Variants in ABCG2 observed in about 807,000 individuals in gnomAD.
ABCG2 encodes the protein ATP binding cassette subfamily G member 2 (JR blood group).
A neutral mutation model predicts 73.5 loss-of-function variants in ABCG2; 80 were observed. That is an observed-to-expected ratio of 1.09 (90% confidence interval 0.91 to 1.31). The LOEUF (loss-of-function observed/expected upper bound fraction) is 1.31. Ranked by LOEUF, ABCG2 falls within the 50% of genes most tolerant of loss-of-function variation. ABCG2 has a pLI of 0.00. For synonymous variants in ABCG2, 269 were observed against 282.4 expected (o/e 0.95, Z 0.48); for missense variants, 796 against 786.2 (o/e 1.01, Z -0.15).
rs774971443 is a variant in ABCG2, at chr4:88,118,267, T to G, written c.690-7A>C. The stretch of plus-strand genomic sequence containing the variant: ...TCGTCCCTGCTTAGACATCCTAAGT[T>G]AAAAGTGAGACAATACTAAGTCATT... On this transcript the variant is annotated splice_region_variant and splice_polypyrimidine_tract_variant and intron_variant, in intron 6 of 15. Transcript: ENST00000237612. 144 of 1,613,264 alleles carry G rather than the reference T, an allele frequency of 8.9e-5. 1 individual carries two copies. Among genetic ancestry groups the G allele is most frequent in the Non-Finnish European group, 5.9e-6 (7 of 1,179,520 alleles).
intron 1 of ABCG2, among the ~76,000 whole-genome samples, chr4:88,219,605 C>T (rs1168319151): frequency 6.3e-5 from 5 of 78,780 alleles, no homozygotes; most frequent in Admixed American, 6.2e-4. Context: ...TTTTTGAGAC[C>T]GAGTCTTGCT....
intron 1 of ABCG2, among the ~76,000 whole-genome samples, chr4:88,185,666 TA>T (rs1728424213): frequency 6.6e-6 from 1 of 151,972 alleles, no homozygotes; most frequent in African/African-American, 2.4e-5. Flanking sequence ...TATAAAAAAC[TA>T]ATAATCCAAT....
At chr4:88,153,211 C>T (rs532069965) in intron 1 of ABCG2, among the ~76,000 whole-genome samples, 178 of 49,468 alleles carry the variant, frequency 3.6e-3, no homozygotes, top group East Asian at 0.021. Context: ...CAGTGTAAAC[C>T]GGCAGTGTAA....
At chr4:88,093,354 A>C (rs1721768344) in intron 15 of ABCG2, among the ~76,000 whole-genome samples, 1 of 152,010 alleles carries the variant, frequency 6.6e-6, no homozygotes, top group African/African-American at 2.4e-5. Flanking sequence ...AATACAAAAA[A>C]TTAGCCAGGT....
At chr4:88,169,650 G>A (rs1404514033) in intron 1 of ABCG2, among the ~76,000 whole-genome samples, 7 of 152,008 alleles carry the variant, frequency 4.6e-5, no homozygotes, top group African/African-American at 7.3e-5. Context: ...TGCTCCAAAC[G>A]GCACAAACAA....
chr4:88,130,942 G>A, intron 5 of ABCG2, 119 bp downstream of exon 5: 1 of 1,184,354 alleles, frequency 8.4e-7, no homozygotes, highest in South Asian at 1.5e-5. Flanking sequence ...TCATTGTTAT[G>A]GAAAGCAACC....
At chr4:88,110,863 G>A (rs1159122128) in intron 9 of ABCG2, among the ~76,000 whole-genome samples, 1 of 151,776 alleles carries the variant, frequency 6.6e-6, no homozygotes, top group African/African-American at 2.4e-5. Flanking sequence ...TAATATTCCA[G>A]TTTTTCACAA....
At chr4:88,202,376 A>ATATATATATATATG (rs1176057791) in intron 1 of ABCG2, among the ~76,000 whole-genome samples, 1 of 128,586 alleles carries the variant, frequency 7.8e-6, no homozygotes, top group Non-Finnish European at 1.6e-5. Context: ...ATATATATAT[A>ATATATATATATATG]TGTATATTTT....
At chr4:88,204,282 G>A (rs1209477665) in intron 1 of ABCG2, among the ~76,000 whole-genome samples, 7 of 152,012 alleles carry the variant, frequency 4.6e-5, no homozygotes, top group Non-Finnish European at 7.4e-5. Context: ...TTAGCCGGGC[G>A]TGGTGACAGG....
At position 88,169,584 on chromosome 4, in the gene ABCG2, C is replaced by T. The variant is rs1727675521; in HGVS notation, c.-19-29570G>A. ...CTAATGGTCAGTTAAACCCATCATC[C>T]ACAAGTATGGCTAAATGGAGGCCCA... On this transcript the variant is annotated intron_variant, in intron 1 of 15. Coordinates refer to the ABCG2 transcript ENST00000515655. 2.0e-5 allele frequency among the ~76,000 whole-genome samples: 3 copies of T among 152,048 alleles called. No homozygotes were observed. The East Asian group carries it at 5.8e-4, about 29-fold the overall frequency.
At chr4:88,224,552 C>T (rs956903830) in intron 1 of ABCG2, among the ~76,000 whole-genome samples, 12 of 151,874 alleles carry the variant, frequency 7.9e-5, no homozygotes, top group Non-Finnish European at 2.9e-5. Context: ...AATGCAGTGG[C>T]GTGATCATGA....
chr4:88,096,024 G>C (rs553981137), intron 13 of ABCG2, among the ~76,000 whole-genome samples: 1 of 152,158 alleles, frequency 6.6e-6, no homozygotes, highest in East Asian at 1.9e-4. Flanking sequence ...AATCCTGAGC[G>C]TCACATGCCC....
intron 1 of ABCG2, among the ~76,000 whole-genome samples, chr4:88,142,488 C>A (rs2110059843): frequency 6.6e-6 from 1 of 152,266 alleles, no homozygotes; most frequent in African/African-American, 2.4e-5. Flanking sequence ...TGACACCCAG[C>A]AAATTCAAGG....
intron 1 of ABCG2, among the ~76,000 whole-genome samples, chr4:88,181,142 C>T (rs1046020817): frequency 1.3e-5 from 2 of 151,970 alleles, no homozygotes; most frequent in Non-Finnish European, 2.9e-5. Flanking sequence ...TGGCTCACGC[C>T]TGTAATCCCA....
chr4:88,092,443 A>C, intron 15 of ABCG2, 62 bp from the exon 16 acceptor site: 1 of 1,546,628 alleles, frequency 6.5e-7, no homozygotes, highest in Non-Finnish European at 8.7e-7. Flanking sequence ...GTTACTCAGT[A>C]TATCCACTGT....
chr4:88,212,780 T>C (rs1459453875), intron 1 of ABCG2, among the ~76,000 whole-genome samples: 1 of 152,206 alleles, frequency 6.6e-6, no homozygotes, highest in Non-Finnish European at 1.5e-5. Flanking sequence ...TGTCACTCGC[T>C]TGGCAAAACC....
rs775185097 is a variant in ABCG2, at chr4:88,118,198, T to C, written c.752A>G (p.Lys251Arg). ...SIHQPRYSIF[K>R]LFDSLTLLAS... Reference sequence around the variant, plus strand: ...CAATAAGGTGAGGCTATCAAACAACTTGAAGATGGAATATCGAGGCTGATG... The same window carrying C: ...CAATAAGGTGAGGCTATCAAACAACCTGAAGATGGAATATCGAGGCTGATG... Residue 251 changes from lysine to arginine, a missense_variant, in exon 7 of 16, where the codon AAG becomes AGG. By Grantham distance (26) the Lys-to-Arg change is conservative (BLOSUM62 2). Coordinates refer to ENST00000237612, the MANE Select transcript of ABCG2 (RefSeq NM_004827.3). 4 of 1,614,144 alleles carry C rather than the reference T, an allele frequency of 2.5e-6. No homozygotes were observed. The highest frequency in any genetic ancestry group is 3.4e-6 in the Non-Finnish European group (4 of 1,179,998).
At chr4:88,129,007 T>G (rs890519335) in intron 5 of ABCG2, among the ~76,000 whole-genome samples, 2 of 152,110 alleles carry the variant, frequency 1.3e-5, no homozygotes, top group Non-Finnish European at 2.9e-5. Context: ...CACTAAAAGA[T>G]AGGTGACATG....
At chr4:88,214,173 A>G (rs1328217959) in intron 1 of ABCG2, among the ~76,000 whole-genome samples, 1 of 151,174 alleles carries the variant, frequency 6.6e-6, no homozygotes, top group Non-Finnish European at 1.5e-5. Flanking sequence ...TTTTTTGTAG[A>G]GACAAGGTCT....
Sources: gnomAD v4.1 joint callset for allele counts (sites outside exome capture counted in the v4.1 genomes callset) on GRCh38, gnomAD v4.1.1 for gene constraint, MANE v1.5 for transcripts, NCBI Gene and HGNC (gene_info 2026-07-23, HGNC 2026-07-21) for gene names.